MGAT4C: variants seen among roughly 807,000 people sequenced by gnomAD.
MGAT4C encodes MGAT4 family member C.
In MGAT4C, 19 loss-of-function variants were observed where a neutral mutation model predicts 40.1. That is an observed-to-expected ratio of 0.47 (90% CI 0.33 to 0.70). MGAT4C has a LOEUF of 0.70. Ranked by LOEUF, MGAT4C falls within the 30% of genes least tolerant of loss-of-function variation. The pLI is 0.02. For missense variants in MGAT4C, 491 were observed against 563.2 expected, an observed-to-expected ratio of 0.87 and a Z score of 1.30; for synonymous variants, 181 against 187.1, an observed-to-expected ratio of 0.97 and a Z score of 0.27.
chr12:86,679,137 T>C (rs1949930511), intron 2 of MGAT4C, among the ~76,000 whole-genome samples: 1 of 152,302 alleles, frequency 6.6e-6, no homozygotes, highest in African/African-American at 2.4e-5. Flanking sequence ...TGGTGTGAGA[T>C]GGTATCTCAT....
At chr12:86,682,284 G>A (rs982764784) in intron 2 of MGAT4C, among the ~76,000 whole-genome samples, 1 of 151,956 alleles carries the variant, frequency 6.6e-6, no homozygotes, top group African/African-American at 2.4e-5. Context: ...TTTATTAGAT[G>A]CAATATTTTA....
intron 3 of MGAT4C, among the ~76,000 whole-genome samples, chr12:86,338,427 A>T (rs1353926810): frequency 1.3e-5 from 2 of 152,180 alleles, no homozygotes; most frequent in African/African-American, 4.8e-5. Flanking sequence ...CGTGACTCCT[A>T]AACCATAATT....
chr12:86,252,775 G>A (rs370576283), intron 1 of MGAT4C, among the ~76,000 whole-genome samples: 52 of 151,864 alleles, frequency 3.4e-4, no homozygotes, highest in African/African-American at 1.1e-3. Context: ...TCAAACAACT[G>A]TAAACTCGGC....
chr12:86,708,773 A>G lies in MGAT4C; in HGVS notation c.-229+18436T>C, dbSNP rs559378566. Reference sequence around the variant, plus strand: ...TAGCCCCACCAGATTTTGGACTTTCATGGGGCCTGAAACCTCTTTGTTTTG... The same window carrying G: ...TAGCCCCACCAGATTTTGGACTTTCGTGGGGCCTGAAACCTCTTTGTTTTG... On this transcript the variant is annotated intron_variant, in intron 2 of 7. Transcript: ENST00000548651. Among the ~76,000 whole-genome samples the G allele has an allele frequency of 3.3e-5, 5 of 152,286 alleles. No individual in the cohort carries two copies. In the South Asian group the frequency reaches 1.0e-3, roughly 32 times the overall value.
rs1951919047 is a variant in MGAT4C, at chr12:86,785,691, A to G, written c.-262+52975T>C. Among the ~76,000 whole-genome samples the G allele has an allele frequency of 1.3e-5, 2 of 151,826 alleles. 1 individual carries two copies. Among genetic ancestry groups the G allele is most frequent in the South Asian group, 4.1e-4 (2 of 4,828 alleles). On this transcript the variant is annotated intron_variant, in intron 1 of 7. Transcript: ENST00000548651. ...ATTTCAGTGTTTTGATGTTAAAGTT[A>G]TCTGTTAAAGGAAGAAGAATATAAT... is the stretch of plus-strand genomic sequence containing the variant.
intron 2 of MGAT4C, among the ~76,000 whole-genome samples, chr12:86,610,747 C>T (rs978556760): frequency 1.4e-5 from 2 of 141,858 alleles, no homozygotes; most frequent in Admixed American, 7.1e-5. Flanking sequence ...CTCCCCCTAC[C>T]CCACCCCACA....
chr12:86,475,738 G>A (rs969846387), intron 2 of MGAT4C, among the ~76,000 whole-genome samples: 1 of 151,832 alleles, frequency 6.6e-6, no homozygotes, highest in African/African-American at 2.4e-5. Context: ...CCAATATTTT[G>A]GGTACAGCAA....
At chr12:86,639,512 A>C (rs1963315944) in intron 2 of MGAT4C, among the ~76,000 whole-genome samples, 1 of 151,726 alleles carries the variant, frequency 6.6e-6, no homozygotes, top group South Asian at 2.1e-4. Context: ...TATTTAGAAG[A>C]ATACAAATGG....
At chr12:86,612,978 CT>C (rs1324512401) in intron 2 of MGAT4C, among the ~76,000 whole-genome samples, 2 of 152,100 alleles carry the variant, frequency 1.3e-5, no homozygotes, top group African/African-American at 4.8e-5. Flanking sequence ...CATTTACACT[CT>C]TTTGATGATA....
chr12:86,475,951 A>G (rs1957829285), intron 2 of MGAT4C, among the ~76,000 whole-genome samples: 1 of 152,030 alleles, frequency 6.6e-6, no homozygotes, highest in African/African-American at 2.4e-5. Context: ...TTTAAGGTGT[A>G]CAACATGATG....
At chr12:86,595,089 C>T (rs1325852283) in intron 2 of MGAT4C, among the ~76,000 whole-genome samples, 1 of 152,106 alleles carries the variant, frequency 6.6e-6, no homozygotes, top group South Asian at 2.1e-4. Flanking sequence ...ACTTTAAGAT[C>T]TTGTTAAAAT....
At chr12:86,083,649 C>T (rs766565651) in intron 1 of MGAT4C, among the ~76,000 whole-genome samples, 4 of 152,004 alleles carry the variant, frequency 2.6e-5, no homozygotes, top group Non-Finnish European at 5.9e-5. Context: ...GACTCATACA[C>T]AGAGTGAATT....
intron 2 of MGAT4C, among the ~76,000 whole-genome samples, chr12:86,572,785 C>G (rs1960417353): frequency 6.6e-6 from 1 of 152,012 alleles, no homozygotes; most frequent in Non-Finnish European, 1.5e-5. Context: ...GTGTTCTGTC[C>G]TCTTTTTCAC....
intron 2 of MGAT4C, among the ~76,000 whole-genome samples, chr12:86,553,796 T>C (rs567921744): frequency 4.5e-4 from 68 of 152,300 alleles, no homozygotes; most frequent in Non-Finnish European, 8.1e-4. Flanking sequence ...ATTGGAAGCT[T>C]GACTTTCAGT....
intron 1 of MGAT4C, among the ~76,000 whole-genome samples, chr12:86,759,173 T>C (rs1951357597): frequency 6.6e-6 from 1 of 152,128 alleles, no homozygotes; most frequent in South Asian, 2.1e-4. Context: ...TAATTTAACA[T>C]AAATGGCCCT....
chr12:85,998,131 G>C (rs1886845143), intron 2 of MGAT4C, among the ~76,000 whole-genome samples: 1 of 152,210 alleles, frequency 6.6e-6, no homozygotes, highest in Non-Finnish European at 1.5e-5. Context: ...AGCTGCCAAG[G>C]CTTGGGGCTT....
intron 1 of MGAT4C, among the ~76,000 whole-genome samples, chr12:86,769,812 C>T (rs1008749170): frequency 6.6e-6 from 1 of 152,018 alleles, no homozygotes; most frequent in African/African-American, 2.4e-5. Flanking sequence ...GAGAACTGAA[C>T]AGTGAGAACA....
In MGAT4C at chr12:86,688,817, T is replaced by C. The variant is rs1266594087; in HGVS notation, c.-229+38392A>G. Among the ~76,000 whole-genome samples the C allele has an allele frequency of 5.3e-5, 8 of 152,182 alleles. No individual in the cohort carries two copies. The South Asian group carries it at 6.2e-4, about 12-fold the overall frequency. On this transcript the variant is annotated intron_variant, in intron 2 of 7. Coordinates refer to the MGAT4C transcript ENST00000548651. ...TCAACCTTAGTGAATCTGACAATTA[T>C]GTGTCTGGGGGTTATTCTTCTCAAG...
intron 4 of MGAT4C, among the ~76,000 whole-genome samples, chr12:86,302,396 GTT>G (rs1218696944): frequency 1.8e-5 from 1 of 56,444 alleles, no homozygotes; most frequent in Non-Finnish European, 4.8e-5. Context: ...GTTTTTGTTT[GTT>G]TGGTTGGTTG....
Sources: allele counts gnomAD v4.1 joint callset (sites outside exome capture counted in the v4.1 genomes callset), GRCh38; gene constraint gnomAD v4.1.1; transcripts MANE v1.5; gene names NCBI Gene and HGNC (gene_info 2026-07-23, HGNC 2026-07-21).